The following TRPM4 variants were observed in gnomAD, a reference collection of about 807,000 sequenced individuals.
TRPM4 encodes the protein transient receptor potential cation channel subfamily M member 4, also known as calcium-activated non-selective cation channel 1.
Under a neutral mutation model 135.6 loss-of-function variants are expected in TRPM4, and 124 were observed. That is an observed-to-expected ratio of 0.91 (90% confidence interval 0.79 to 1.06). TRPM4 has a LOEUF of 1.06. TRPM4 is among the 50% of genes least tolerant of loss of function. The pLI, the probability that TRPM4 is intolerant of heterozygous loss-of-function variation, is 0.00. For synonymous variants in TRPM4, 745 were observed against 705.6 expected, an observed-to-expected ratio of 1.06 and a Z score of -0.88; for missense variants, 1,658 against 1,671.4, an observed-to-expected ratio of 0.99 and a Z score of 0.14.
chr19:49,211,225 T>C lies in TRPM4; in HGVS notation c.3596T>C (p.Leu1199Pro). The C allele has an allele frequency of 1.9e-6, 3 of 1,595,318 alleles. No individual in the cohort carries two copies. The African/African-American group carries it at 4.0e-5, about 21-fold the overall frequency. ...GAGGCCCTGAGCCGCTCTGCCTTGC[T>C]GCCCCCAGGTGGGCCGCCACCCCCT... ...VAEALSRSAL[L>P]PPGGPPPPDL... Residue 1199 changes from leucine (L) to proline (P), a missense_variant, in exon 24 of 25, where the codon CTG becomes CCG. This residue lies in a region of TRPM4 where 1,412 missense variants were observed against 1,408.7 expected (regional missense o/e 1.00). Coordinates refer to ENST00000252826, the MANE Select transcript of TRPM4 (RefSeq NM_017636.4). This position sits in a 1 kb window ranked among gnomAD's most constrained non-coding sequence, Gnocchi z 4.8.
intron 16 of TRPM4, among the ~76,000 whole-genome samples, chr19:49,193,577 G>GA (rs2123018311): frequency 6.6e-6 from 1 of 152,202 alleles, no homozygotes; most frequent in South Asian, 2.1e-4. Flanking sequence ...CCCCCACTGA[G>GA]AGCTCTGTTG....
At chr19:49,158,596 ATT>A in intron 2 of TRPM4, 1 of 278,428 alleles carries the variant, frequency 3.6e-6, no homozygotes. Flanking sequence ...TCATTCATTC[ATT>A]CATTCATTCA....
chr19:49,166,594 C>A (rs1967192869), intron 3 of TRPM4, among the ~76,000 whole-genome samples: 1 of 140,084 alleles, frequency 7.1e-6, no homozygotes, highest in African/African-American at 2.7e-5. Flanking sequence ...GTCTCTGTCC[C>A]CCTCTCTCTC....
At chr19:49,178,196 G>A (rs746708925) in intron 9 of TRPM4, among the ~76,000 whole-genome samples, 8 of 152,138 alleles carry the variant, frequency 5.3e-5, no homozygotes, top group African/African-American at 7.2e-5. Context: ...GGTACTGTGC[G>A]CCTGTAGTCC....
In TRPM4 at chr19:49,166,096, G is replaced by A. The variant is rs1967164464; in HGVS notation, c.148G>A (p.Glu50Lys). Reference protein sequence around the residue: ...PRTAHPAVAMEDAFGAAVVTV... With the variant: ...PRTAHPAVAMKDAFGAAVVTV... ...GACCGCCCACCCCGCAGTGGCCATGGAGGATGCCTTCGGGGCAGCCGTGGT... is the reference window on the plus strand; with the variant it reads ...GACCGCCCACCCCGCAGTGGCCATGAAGGATGCCTTCGGGGCAGCCGTGGT... The change falls in exon 3 of 25, where the codon GAG becomes AAG. Residue 50 changes from glutamate (E) to lysine (K), a missense_variant. Physicochemically the swap from Glu to Lys is moderately conservative, Grantham distance 56 (BLOSUM62 1). Coordinates refer to ENST00000252826, the MANE Select transcript of TRPM4 (RefSeq NM_017636.4). 6.2e-7 allele frequency: 1 copy of A among 1,604,396 alleles called. No individual in the cohort carries two copies.
In TRPM4 at chr19:49,190,807, G is replaced by A. The variant is rs776638224; in HGVS notation, c.2210+34G>A. Reference sequence around the variant, plus strand: ...AGCCTCCAGCACTGTGTGAGGTGGGGACACCCTGGGCAGTTCAGGACATGT... The same window carrying A: ...AGCCTCCAGCACTGTGTGAGGTGGGAACACCCTGGGCAGTTCAGGACATGT... On this transcript the variant is annotated intron_variant, in intron 16 of 24. Transcript: ENST00000252826. The A allele has an allele frequency of 2.5e-6, 4 of 1,602,982 alleles. No homozygotes were observed. The South Asian group carries it at 4.4e-5, about 18-fold the overall frequency.
intron 9 of TRPM4, among the ~76,000 whole-genome samples, chr19:49,175,132 A>G (rs1207524967): frequency 7.1e-6 from 1 of 141,168 alleles, no homozygotes; most frequent in African/African-American, 2.8e-5. Flanking sequence ...CTGGAGTGCA[A>G]TAGTGCCATC....
chr19:49,159,934 A>C (rs1966901167), intron 2 of TRPM4: 1 of 152,372 alleles, frequency 6.6e-6, no homozygotes, highest in East Asian at 1.9e-4. Context: ...GTGAGTGCTC[A>C]AAACCTTTTT....
chr19:49,171,858 G>A lies in TRPM4; in HGVS notation c.1050+89G>A. On this transcript the variant is annotated intron_variant, in intron 8 of 24. Transcript: ENST00000252826. The surrounding 1 kb of genome is among the most constrained non-coding windows in gnomAD (Gnocchi z 4.7). Reference sequence around the variant, plus strand: ...GGGTCTGAGGGAGGAGGGGCTGGGGGCCTGGACTTCCAGGTTCCGGGAGAA... The same window carrying A: ...GGGTCTGAGGGAGGAGGGGCTGGGGACCTGGACTTCCAGGTTCCGGGAGAA... The A allele has an allele frequency of 5.4e-6, 8 of 1,474,706 alleles. No homozygotes were observed. The highest frequency in any genetic ancestry group is 7.5e-6 in the Non-Finnish European group (8 of 1,068,000). 91.4% of individuals were successfully genotyped at this position (1,474,706 alleles called of 1,614,324 possible). A position where few individuals can be genotyped will look rare whatever the true frequency, so the allele number is the denominator to read the frequency against.
At chr19:49,182,467 T>TCCATCCATCCATCCAC (rs1568471126) in intron 10 of TRPM4, 111 bp from the exon 11 acceptor site, 2 of 415,846 alleles carry the variant, frequency 4.8e-6, no homozygotes, top group East Asian at 3.8e-5. Flanking sequence ...CATCCATCCA[T>TCCATCCATCCATCCAC]CCATCCATCC....
At chr19:49,202,677 C>T (rs78053288) in intron 20 of TRPM4, among the ~76,000 whole-genome samples, 5,075 of 151,768 alleles carry the variant, frequency 0.033, 309 homozygotes, top group African/African-American at 0.12. Context: ...CTGCAACCTC[C>T]ACTTCCCACT....
At chr19:49,190,558 C>T (rs893289581) in intron 15 of TRPM4, 138 bp from the exon 16 acceptor site, 2 of 919,406 alleles carry the variant, frequency 2.2e-6, no homozygotes, top group African/African-American at 3.3e-5. Context: ...GGGGGAAGGT[C>T]CCTTTGGGAT....
At chr19:49,165,987 G>A (rs895273669) in intron 2 of TRPM4, 54 bp from the exon 3 acceptor site, 21 of 1,528,352 alleles carry the variant, frequency 1.4e-5, no homozygotes, top group Non-Finnish European at 1.8e-5. Flanking sequence ...ACGCTGACAG[G>A]GTGCTGGGGT....
In TRPM4 at chr19:49,189,207, G is replaced by A. The variant is rs1027717882; in HGVS notation, c.2019+116G>A. ...GTCTTGACCAGCCACTCTCCCTGGA[G>A]ATCCCCCAGAAAGTCTCTCTTCTCT... is the stretch of plus-strand genomic sequence containing the variant. On this transcript the variant is annotated intron_variant, in intron 14 of 24. Coordinates refer to ENST00000252826, the MANE Select transcript of TRPM4 (RefSeq NM_017636.4). 5 of 1,451,934 alleles carry A rather than the reference G, an allele frequency of 3.4e-6. 1 individual carries two copies. The highest frequency in any genetic ancestry group is 3.6e-5 in the Admixed American group (2 of 55,120). The allele number at this position is 1,451,934 out of a possible 1,614,324, so 89.9% of individuals were successfully genotyped here.
intron 17 of TRPM4, 121 bp downstream of exon 17, chr19:49,196,995 G>C: frequency 1.1e-6 from 1 of 948,412 alleles, no homozygotes; most frequent in Non-Finnish European, 1.5e-6. Context: ...CAACCCTGCT[G>C]ATTGAGAACC....
chr19:49,191,757 C>T (rs906772576), intron 16 of TRPM4, among the ~76,000 whole-genome samples: 1 of 152,170 alleles, frequency 6.6e-6, no homozygotes, highest in African/African-American at 2.4e-5. Context: ...CTCAGCCTCC[C>T]AAAGTACTGG....
intron 16 of TRPM4, among the ~76,000 whole-genome samples, chr19:49,191,028 T>A (rs914577377): frequency 2.6e-5 from 4 of 152,046 alleles, no homozygotes; most frequent in African/African-American, 4.8e-5. Flanking sequence ...GAGGAGCCAG[T>A]GTATCACATG....
At chr19:49,164,246 T>C (rs1967075786) in intron 2 of TRPM4, among the ~76,000 whole-genome samples, 1 of 151,272 alleles carries the variant, frequency 6.6e-6, no homozygotes, top group South Asian at 2.1e-4. Flanking sequence ...TCTTTCTTTC[T>C]TTCTCTCTTT....
At chr19:49,191,495 C>T (rs965452939) in intron 16 of TRPM4, among the ~76,000 whole-genome samples, 4 of 151,678 alleles carry the variant, frequency 2.6e-5, no homozygotes, top group Admixed American at 6.6e-5. Context: ...TGTGAGCCAC[C>T]GGGCCCAGCC....
Sources: allele counts gnomAD v4.1 joint callset (sites outside exome capture counted in the v4.1 genomes callset), GRCh38; gene constraint gnomAD v4.1.1; regional missense constraint gnomAD v4.1.1; non-coding constraint Gnocchi (gnomAD v3.1); transcripts MANE v1.5; gene names NCBI Gene and HGNC (gene_info 2026-07-23, HGNC 2026-07-21).